The following RGS6 variants were observed in gnomAD, a reference collection of about 807,000 sequenced individuals.
The protein encoded by RGS6 is regulator of G-protein signaling 6.
RGS6 carries 30 observed loss-of-function variants against 78.5 expected under a neutral mutation model. The ratio of observed to expected loss-of-function variants is 0.38; its 90% CI spans 0.29 to 0.52. RGS6 has a LOEUF of 0.52. RGS6 is among the 20% of genes least tolerant of loss of function. RGS6 has a pLI of 0.85. For synonymous variants in RGS6, 206 were observed against 206.0 expected (o/e 1.00, Z 0.00); for missense variants, 495 against 609.7 (o/e 0.81, Z 1.98).
At chr14:72,361,675 A>G (rs542400083) in intron 3 of RGS6, among the ~76,000 whole-genome samples, 8 of 152,326 alleles carry the variant, frequency 5.3e-5, no homozygotes, top group Non-Finnish European at 8.8e-5. Flanking sequence ...CTGTGTGAAT[A>G]TTGAAATCAC....
chr14:72,382,249 AAAC>A (rs536397721), intron 3 of RGS6, among the ~76,000 whole-genome samples: 218 of 152,266 alleles, frequency 1.4e-3, no homozygotes, highest in African/African-American at 4.7e-3. Flanking sequence ...AAAATTGAGA[AAAC>A]AACAAACAAT....
chr14:72,341,114 A>C (rs1397913977), intron 2 of RGS6, among the ~76,000 whole-genome samples: 1 of 152,208 alleles, frequency 6.6e-6, no homozygotes, highest in African/African-American at 2.4e-5. Context: ...TGTTATTTAT[A>C]AAGAAAAGAG....
the RGS6 span, among the ~76,000 whole-genome samples, chr14:72,590,797 C>T: frequency 0.026 from 3,991 of 152,192 alleles, 182 homozygotes; most frequent in African/African-American, 0.092. Context: ...GGTAAACCCA[C>T]GTCAGGTGGA....
chr14:72,343,170 C>A (rs1283215189), intron 2 of RGS6, among the ~76,000 whole-genome samples: 1 of 152,204 alleles, frequency 6.6e-6, no homozygotes, highest in East Asian at 1.9e-4. Flanking sequence ...TCTTATAGTT[C>A]TGAAGGTCAG....
intron 2 of RGS6, among the ~76,000 whole-genome samples, chr14:72,259,127 C>T (rs1160913473): frequency 6.6e-6 from 1 of 152,162 alleles, no homozygotes; most frequent in Non-Finnish European, 1.5e-5. Context: ...TGCAAACTGG[C>T]AGTCCACCAG....
intron 3 of RGS6, among the ~76,000 whole-genome samples, chr14:72,397,161 G>A (rs187714359): frequency 1.4e-3 from 207 of 152,254 alleles, no homozygotes; most frequent in African/African-American, 4.1e-3. Flanking sequence ...CCATTTTCAC[G>A]ATATCGATTC....
At chr14:72,265,205 T>C (rs1324283313) in intron 2 of RGS6, among the ~76,000 whole-genome samples, 1 of 152,128 alleles carries the variant, frequency 6.6e-6, no homozygotes, top group Non-Finnish European at 1.5e-5. Context: ...TTAGTGGTGT[T>C]AAATTAGTGG....
At chr14:72,371,516 C>T (rs1386205376) in intron 3 of RGS6, among the ~76,000 whole-genome samples, 2 of 152,164 alleles carry the variant, frequency 1.3e-5, no homozygotes, top group African/African-American at 4.8e-5. Flanking sequence ...AATCGCAGCA[C>T]TTTTGGAGGC....
chr14:72,042,953 C>A (rs1230506458), intron 2 of RGS6, among the ~76,000 whole-genome samples: 1 of 152,102 alleles, frequency 6.6e-6, no homozygotes, highest in African/African-American at 2.4e-5. Flanking sequence ...GAGAGTGTTA[C>A]ATTGCTTTTG....
At chr14:72,210,477 A>T (rs847286) in intron 2 of RGS6, among the ~76,000 whole-genome samples, 143,364 of 152,306 alleles carry the variant, frequency 0.94, 67,767 homozygotes, top group South Asian at 1. Flanking sequence ...GTGAGAAGTC[A>T]TTGAGGAAAA....
At chr14:72,411,926 C>T (rs539948665) in intron 3 of RGS6, among the ~76,000 whole-genome samples, 1 of 152,272 alleles carries the variant, frequency 6.6e-6, no homozygotes, top group South Asian at 2.1e-4. Context: ...CCCACCTGAT[C>T]ATGGTGGATA....
intron 7 of RGS6, among the ~76,000 whole-genome samples, chr14:72,468,839 T>C (rs952601697): frequency 6.6e-6 from 1 of 152,152 alleles, no homozygotes; most frequent in Non-Finnish European, 1.5e-5. Context: ...ACAAAGACAG[T>C]TTTTAGAAGT....
chr14:72,090,744 A>G (rs187770722), intron 2 of RGS6, among the ~76,000 whole-genome samples: 332 of 152,310 alleles, frequency 2.2e-3, no homozygotes, highest in African/African-American at 7.7e-3. Flanking sequence ...CAGTTGCCAC[A>G]AAGCTCCCTT....
chr14:72,198,528 T>A (rs1253359069), intron 2 of RGS6, among the ~76,000 whole-genome samples: 2 of 152,240 alleles, frequency 1.3e-5, no homozygotes, highest in Non-Finnish European at 2.9e-5. Flanking sequence ...TTCATGGGTT[T>A]TCTATTAGAG....
At chr14:72,498,732 C>T (rs566444724) in intron 13 of RGS6, among the ~76,000 whole-genome samples, 5 of 152,160 alleles carry the variant, frequency 3.3e-5, no homozygotes, top group African/African-American at 7.2e-5. Context: ...TAAAAATACA[C>T]GCATACTGGG....
chr14:72,557,885 C>T (rs902996438), intron 17 of RGS6, among the ~76,000 whole-genome samples: 1 of 152,178 alleles, frequency 6.6e-6, no homozygotes, highest in Non-Finnish European at 1.5e-5. Flanking sequence ...GAGGGGGAAG[C>T]ATTGAATTTC....
At chr14:71,999,032 C>T (rs1296760807) in intron 2 of RGS6, among the ~76,000 whole-genome samples, 1 of 152,024 alleles carries the variant, frequency 6.6e-6, no homozygotes, top group Non-Finnish European at 1.5e-5. Flanking sequence ...CACAGTTCTC[C>T]AGCCTGAGCA....
chr14:72,147,964 T>C (rs953135630), intron 2 of RGS6, among the ~76,000 whole-genome samples: 1 of 151,932 alleles, frequency 6.6e-6, no homozygotes, highest in African/African-American at 2.4e-5. Flanking sequence ...ACCCCATCTC[T>C]ACTAAAAATA....
the RGS6 span, among the ~76,000 whole-genome samples, chr14:71,914,973 G>T: frequency 6.6e-6 from 1 of 151,670 alleles, no homozygotes; most frequent in Non-Finnish European, 1.5e-5. Flanking sequence ...TTCAACTCGG[G>T]GTGGTGGCTC....
Sources: allele counts gnomAD v4.1 joint callset (sites outside exome capture counted in the v4.1 genomes callset), GRCh38; gene constraint gnomAD v4.1.1; transcripts MANE v1.5; gene names NCBI Gene and HGNC (gene_info 2026-07-23, HGNC 2026-07-21).